The following LHFPL3 variants were observed in gnomAD, a reference collection of about 807,000 sequenced individuals.
The protein encoded by LHFPL3 is LHFPL tetraspan subfamily member 3.
Under a neutral mutation model 19.3 loss-of-function variants are expected in LHFPL3, and 5 were observed. That is an observed-to-expected ratio of 0.26 (90% CI 0.14 to 0.54). LHFPL3 has a LOEUF of 0.54. LHFPL3 is among the 20% of genes least tolerant of loss of function. The probability of loss-of-function intolerance (pLI) is 0.94; values close to 1 mark genes in which losing one functional copy is unlikely to be tolerated. For synonymous variants in LHFPL3, 133 were observed against 126.2 expected, an observed-to-expected ratio of 1.05 and a Z score of -0.36; for missense variants, 249 against 307.4, an observed-to-expected ratio of 0.81 and a Z score of 1.42.
intron 1 of LHFPL3, among the ~76,000 whole-genome samples, chr7:104,612,638 A>G (rs1364053609): frequency 1.3e-5 from 2 of 152,230 alleles, no homozygotes; most frequent in Non-Finnish European, 2.9e-5. Context: ...GCATAAAAAG[A>G]ACTCTCAAGG....
Position 104,867,541 on chromosome 7 carries a change from C to A in LHFPL3, c.683-38646C>A, listed in dbSNP as rs184664027. Among the ~76,000 whole-genome samples the A allele has an allele frequency of 1.6e-4, 25 of 152,280 alleles. No homozygotes were observed. In the East Asian group the frequency reaches 4.6e-3, roughly 28 times the overall value. On this transcript the variant is annotated intron_variant, in intron 2 of 2. Coordinates refer to ENST00000424859, the MANE Select transcript of LHFPL3 (RefSeq NM_199000.3). ...AGACTAAACCAGGAAGAAGTTGAAT[C>A]TCTGAATAGACCAATAACAGACTCT...
intron 2 of LHFPL3, among the ~76,000 whole-genome samples, chr7:104,748,900 A>G (rs959449051): frequency 9.2e-5 from 14 of 152,190 alleles, no homozygotes; most frequent in African/African-American, 3.1e-4. Flanking sequence ...CTGGCGCCCA[A>G]CGTGGGGCTA....
At chr7:104,416,819 T>A (rs1397349868) in intron 1 of LHFPL3, among the ~76,000 whole-genome samples, 1 of 152,228 alleles carries the variant, frequency 6.6e-6, no homozygotes, top group African/African-American at 2.4e-5. Context: ...CTCACAGTTC[T>A]GGAGGCTAGA....
intron 2 of LHFPL3, among the ~76,000 whole-genome samples, chr7:104,874,413 G>C (rs1316687649): frequency 6.7e-6 from 1 of 148,656 alleles, no homozygotes; most frequent in Non-Finnish European, 1.5e-5. Flanking sequence ...TTTTGGGGGG[G>C]GGACAGAGTC....
intron 1 of LHFPL3, among the ~76,000 whole-genome samples, chr7:104,442,473 G>A (rs577474428): frequency 2.6e-5 from 4 of 152,220 alleles, no homozygotes; most frequent in African/African-American, 9.6e-5. Context: ...AGGCTGAGGG[G>A]AAAAAAGTAT....
At chr7:104,650,243 C>T (rs1358521315) in intron 1 of LHFPL3, among the ~76,000 whole-genome samples, 6 of 152,170 alleles carry the variant, frequency 3.9e-5, no homozygotes, top group Non-Finnish European at 5.9e-5. Flanking sequence ...GCTGTTAGGC[C>T]ACCACAATGA....
intron 1 of LHFPL3, 131 bp from the exon 2 acceptor site, chr7:104,736,544 T>C: frequency 1.5e-6 from 1 of 647,090 alleles, no homozygotes; most frequent in Non-Finnish European, 2.7e-6. Context: ...GTGACAGTGG[T>C]GAGATTTGCT....
intron 1 of LHFPL3, chr7:104,470,176 G>A: frequency 2.4e-6 from 1 of 408,860 alleles, no homozygotes; most frequent in South Asian, 1.7e-5. Context: ...CTTAGGATCT[G>A]GCCACATATT....
intron 2 of LHFPL3, among the ~76,000 whole-genome samples, chr7:104,790,053 G>T (rs935000722): frequency 6.6e-6 from 1 of 152,144 alleles, no homozygotes; most frequent in Non-Finnish European, 1.5e-5. Context: ...AAACTGTCTT[G>T]CATGATAAGA....
In LHFPL3 at chr7:104,668,649, C is replaced by T. The variant is rs1300331480; in HGVS notation, c.446-68026C>T. On this transcript the variant is annotated intron_variant, in intron 1 of 2. Coordinates refer to ENST00000424859, the MANE Select transcript of LHFPL3 (RefSeq NM_199000.3). ...CTGCTATGAAGACCAATATGACAGA[C>T]GGGATGATCGGTCGTGGAGCTCCAG... 4.7e-5 allele frequency: 76 copies of T among 1,610,600 alleles called. No homozygotes were observed. In the East Asian group the frequency reaches 1.7e-3, roughly 36 times the overall value.
intron 1 of LHFPL3, among the ~76,000 whole-genome samples, chr7:104,520,229 G>C (rs1386351287): frequency 6.6e-6 from 1 of 152,048 alleles, no homozygotes; most frequent in East Asian, 1.9e-4. Flanking sequence ...CTTTGCTTCT[G>C]TTTATATGCT....
At chr7:104,510,725 A>G (rs1038650195) in intron 1 of LHFPL3, among the ~76,000 whole-genome samples, 3 of 152,182 alleles carry the variant, frequency 2.0e-5, no homozygotes, top group African/African-American at 7.2e-5. Flanking sequence ...TCTGTGAAAG[A>G]CCCTGTTGAG....
chr7:104,723,379 T>C (rs1429772401), intron 1 of LHFPL3, among the ~76,000 whole-genome samples: 1 of 152,144 alleles, frequency 6.6e-6, no homozygotes, highest in African/African-American at 2.4e-5. Flanking sequence ...TTTCATCACT[T>C]CTCTGCTCAC....
At chr7:104,687,589 C>T (rs1394782250) in intron 1 of LHFPL3, among the ~76,000 whole-genome samples, 4 of 152,154 alleles carry the variant, frequency 2.6e-5, no homozygotes, top group East Asian at 1.9e-4. Flanking sequence ...AGAAAAGACA[C>T]GTCACTCAGG....
intron 1 of LHFPL3, among the ~76,000 whole-genome samples, chr7:104,375,907 C>T (rs1326290091): frequency 2.0e-5 from 3 of 152,222 alleles, no homozygotes; most frequent in African/African-American, 7.2e-5. Context: ...TTCCCCAGCT[C>T]ACTGTTTCCT....
rs140089874 is a variant in LHFPL3, at chr7:104,563,873, C to G, written c.446-172802C>G. ...TTATAGTAGCCTGAACAGACAAGGA[C>G]AGCTGGATAAACAGAAATATTAAAT... On this transcript the variant is annotated intron_variant, in intron 1 of 2. Transcript: ENST00000424859. 4.9e-3 allele frequency among the ~76,000 whole-genome samples: 752 copies of G among 152,310 alleles called. 5 individuals carry two copies. Among genetic ancestry groups the G allele is most frequent in the African/African-American group, 0.017 (691 of 41,554 alleles).
rs1363489412 is a variant in LHFPL3, at chr7:104,892,091, C to T, written c.683-14096C>T. 2.6e-5 allele frequency among the ~76,000 whole-genome samples: 4 copies of T among 152,210 alleles called. 1 individual carries two copies. The highest frequency in any genetic ancestry group is 2.0e-4 in the Admixed American group (3 of 15,280). ...AGATTTTCTTCTCAATGCTCATTCACTTATTCAACAAGAATGCATTGGGTG... is the reference window on the plus strand; with the variant it reads ...AGATTTTCTTCTCAATGCTCATTCATTTATTCAACAAGAATGCATTGGGTG... On this transcript the variant is annotated intron_variant, in intron 2 of 2. Coordinates refer to ENST00000424859, the MANE Select transcript of LHFPL3 (RefSeq NM_199000.3).
chr7:104,669,362 G>C, intron 1 of LHFPL3: 1 of 1,613,278 alleles, frequency 6.2e-7, no homozygotes, highest in South Asian at 1.1e-5. Flanking sequence ...GGCCAAACTG[G>C]GAACTCTAGC....
At chr7:104,514,233 C>T (rs1793877159) in intron 1 of LHFPL3, among the ~76,000 whole-genome samples, 2 of 152,148 alleles carry the variant, frequency 1.3e-5, no homozygotes, top group Admixed American at 1.3e-4. Flanking sequence ...CCATTCTTCT[C>T]TCCCTATTTT....
Sources: gnomAD v4.1 joint callset for allele counts (sites outside exome capture counted in the v4.1 genomes callset) on GRCh38, gnomAD v4.1.1 for gene constraint, MANE v1.5 for transcripts, NCBI Gene and HGNC (gene_info 2026-07-23, HGNC 2026-07-21) for gene names.